The following MSRB3 variants were observed in gnomAD, a reference collection of about 807,000 sequenced individuals.
MSRB3 encodes methionine sulfoxide reductase B3, also known as methionine-R-sulfoxide reductase B3.
In MSRB3, 13 loss-of-function variants were observed where a neutral mutation model predicts 21.0. The observed-to-expected ratio is 0.62, with a 90% CI of 0.40 to 0.98. MSRB3 has a LOEUF of 0.98. Among genes scored for constraint, MSRB3 ranks in the 50% least tolerant of loss-of-function variants. The probability of loss-of-function intolerance (pLI) is 0.00; values close to 1 mark genes in which losing one functional copy is unlikely to be tolerated. For missense variants in MSRB3, 199 were observed against 230.3 expected (o/e 0.86, Z 0.88); for synonymous variants, 87 against 88.6 (o/e 0.98, Z 0.10).
intron 4 of MSRB3, among the ~76,000 whole-genome samples, chr12:65,345,911 A>C (rs1478739313): frequency 6.6e-6 from 1 of 152,000 alleles, no homozygotes; most frequent in East Asian, 1.9e-4. Flanking sequence ...AGGACGTGAA[A>C]TCATCATTTT....
intron 4 of MSRB3, among the ~76,000 whole-genome samples, chr12:65,348,693 A>G (rs1249327216): frequency 1.1e-4 from 16 of 152,018 alleles, no homozygotes; most frequent in African/African-American, 3.9e-4. Flanking sequence ...TGTCAATTTT[A>G]AATCCTTCCT....
In MSRB3 at chr12:65,466,428, CTGTGGGAGT is replaced by C. The variant is rs1883577898; in HGVS notation, c.*3108_*3116del. On this transcript the variant is annotated 3_prime_UTR_variant, in exon 7 of 7. Transcript: ENST00000308259. ...GTCAATATGGCAAGGTGTATGTGAT[CTGTGGGAGT>C]TATGCCATTTAACATAGGAAGTGCA... is the stretch of plus-strand genomic sequence containing the variant. The C allele has an allele frequency of 6.6e-6, 1 of 152,130 alleles. No individual in the cohort carries two copies. Among genetic ancestry groups the C allele is most frequent in the Admixed American group, 6.5e-5 (1 of 15,268 alleles). The allele number at this position is 152,130 out of a possible 1,614,324, so 9.4% of individuals were successfully genotyped here. A position where few individuals can be genotyped will look rare whatever the true frequency, so the allele number is the denominator to read the frequency against.
intron 5 of MSRB3, among the ~76,000 whole-genome samples, chr12:65,425,168 A>G (rs1475900038): frequency 1.3e-5 from 2 of 151,532 alleles, no homozygotes. Flanking sequence ...TGATATAAAT[A>G]TAGCTACACA....
rs573429711 is a variant in MSRB3 at position 65,369,986 on chromosome 12, T to G, written c.292+960T>G. Among the ~76,000 whole-genome samples, 5 of 152,316 alleles carry G rather than the reference T, an allele frequency of 3.3e-5. No homozygotes were observed. The South Asian group carries it at 1.0e-3, about 32-fold the overall frequency. On this transcript the variant is annotated intron_variant, in intron 5 of 6. Coordinates refer to ENST00000308259, the MANE Select transcript of MSRB3 (RefSeq NM_001031679.3). Reference sequence around the variant, plus strand: ...AGGAGACAACACACTTTTTCTTCTTTATAAGCCTTTTCTTTCTTTTATTGT... The same window carrying G: ...AGGAGACAACACACTTTTTCTTCTTGATAAGCCTTTTCTTTCTTTTATTGT...
intron 3 of MSRB3, among the ~76,000 whole-genome samples, chr12:65,327,835 C>G (rs1875149898): frequency 6.6e-6 from 1 of 152,208 alleles, no homozygotes; most frequent in Non-Finnish European, 1.5e-5. Flanking sequence ...TAGCAGTGGA[C>G]TTCAGTCTCA....
chr12:65,451,863 C>T (rs1592650114), intron 5 of MSRB3, among the ~76,000 whole-genome samples: 1 of 152,126 alleles, frequency 6.6e-6, no homozygotes, highest in Non-Finnish European at 1.5e-5. Context: ...GTTTAAGAAA[C>T]ATTTGAGTTG....
chr12:65,311,829 T>C (rs760637583), intron 2 of MSRB3, among the ~76,000 whole-genome samples: 4 of 152,098 alleles, frequency 2.6e-5, no homozygotes, highest in Non-Finnish European at 5.9e-5. Flanking sequence ...AAGTTGATTA[T>C]AACTGGATTG....
At chr12:65,419,558 C>T (rs1220451988) in intron 5 of MSRB3, 7 of 737,530 alleles carry the variant, frequency 9.5e-6, no homozygotes, top group East Asian at 5.1e-5. Flanking sequence ...TGGGCATTGT[C>T]GATCTGCAGA....
chr12:65,317,966 G>T (rs2136436517), intron 2 of MSRB3, among the ~76,000 whole-genome samples: 1 of 152,238 alleles, frequency 6.6e-6, no homozygotes, highest in East Asian at 1.9e-4. Flanking sequence ...ATTACTAGGT[G>T]CTGAGGATGC....
At chr12:65,459,024 T>C (rs138334903) in intron 6 of MSRB3, among the ~76,000 whole-genome samples, 45 of 152,356 alleles carry the variant, frequency 3.0e-4, no homozygotes, top group African/African-American at 1.0e-3. Context: ...AAGTTCCTTC[T>C]AGAATACTTG....
intron 5 of MSRB3, among the ~76,000 whole-genome samples, chr12:65,452,330 C>G (rs1454343158): frequency 6.6e-6 from 1 of 152,038 alleles, no homozygotes; most frequent in Admixed American, 6.6e-5. Context: ...TCAAATATCA[C>G]CATTAAACCT....
At chr12:65,455,727 G>A (rs896902122) in intron 6 of MSRB3, among the ~76,000 whole-genome samples, 6 of 152,008 alleles carry the variant, frequency 3.9e-5, no homozygotes, top group Admixed American at 2.6e-4. Context: ...GGCTTAATGC[G>A]ATATAGTTTG....
intron 4 of MSRB3, among the ~76,000 whole-genome samples, chr12:65,339,635 T>C (rs947659071): frequency 2.0e-5 from 3 of 152,210 alleles, no homozygotes; most frequent in Non-Finnish European, 4.4e-5. Context: ...AAGAGATGAA[T>C]TTTGAATATT....
chr12:65,307,174 C>A, intron 1 of MSRB3: 1 of 344,628 alleles, frequency 2.9e-6, no homozygotes, highest in Non-Finnish European at 4.1e-6. Flanking sequence ...CTTTTCCCTG[C>A]TCTGCAGTCA....
chr12:65,313,501 C>T (rs1006568447), intron 2 of MSRB3, among the ~76,000 whole-genome samples: 3 of 151,368 alleles, frequency 2.0e-5, no homozygotes, highest in East Asian at 1.9e-4. Flanking sequence ...GACATATATG[C>T]ATCTACACAT....
chr12:65,354,957 G>A (rs1877292849), intron 4 of MSRB3, among the ~76,000 whole-genome samples: 1 of 151,792 alleles, frequency 6.6e-6, no homozygotes, highest in Non-Finnish European at 1.5e-5. Context: ...AGTAGGAGTG[G>A]TAAAGCTAAC....
chr12:65,426,817 A>T (rs1396920090), intron 5 of MSRB3, among the ~76,000 whole-genome samples: 1 of 151,862 alleles, frequency 6.6e-6, no homozygotes, highest in East Asian at 1.9e-4. Context: ...CTGCTTAATC[A>T]GTTCTTTTTA....
intron 1 of MSRB3, among the ~76,000 whole-genome samples, chr12:65,290,502 C>T (rs542679945): frequency 4.6e-5 from 7 of 152,262 alleles, no homozygotes; most frequent in East Asian, 1.9e-4. Flanking sequence ...TGTACGACAC[C>T]GGTTGCTCAA....
At chr12:65,436,405 C>T (rs546927325) in intron 5 of MSRB3, among the ~76,000 whole-genome samples, 56 of 151,574 alleles carry the variant, frequency 3.7e-4, no homozygotes, top group African/African-American at 1.1e-3. Context: ...TACTATATAA[C>T]GCATTTGTTT....
Sources: allele counts gnomAD v4.1 joint callset (sites outside exome capture counted in the v4.1 genomes callset), GRCh38; gene constraint gnomAD v4.1.1; transcripts MANE v1.5; gene names NCBI Gene and HGNC (gene_info 2026-07-23, HGNC 2026-07-21).